Variants in BTLA observed in about 807,000 individuals in gnomAD.
The protein encoded by BTLA is B and T lymphocyte associated.
A neutral mutation model predicts 25.0 loss-of-function variants in BTLA; 11 were observed. The observed-to-expected ratio is 0.44, with a 90% CI of 0.28 to 0.73. The LOEUF is 0.73. BTLA is among the 30% of genes least tolerant of loss of function. The probability of loss-of-function intolerance (pLI) is 0.15; values close to 1 mark genes in which losing one functional copy is unlikely to be tolerated. For synonymous variants in BTLA, 104 were observed against 119.8 expected, an observed-to-expected ratio of 0.87 and a Z score of 0.86; for missense variants, 282 against 332.8, an observed-to-expected ratio of 0.85 and a Z score of 1.19.
At chr3:112,479,303 C>T in intron 2 of BTLA, 152 bp downstream of exon 2, 1 of 702,996 alleles carries the variant, frequency 1.4e-6, no homozygotes, top group East Asian at 2.7e-5. Context: ...CACATATGTA[C>T]ACACTGGCAC....
chr3:112,492,404 A>G (rs2082385036), intron 1 of BTLA, among the ~76,000 whole-genome samples: 1 of 152,244 alleles, frequency 6.6e-6, no homozygotes, highest in Non-Finnish European at 1.5e-5. Flanking sequence ...GCAAATGTAG[A>G]CAGCATACCT....
intron 1 of BTLA, among the ~76,000 whole-genome samples, chr3:112,490,054 C>T (rs998904579): frequency 1.5e-4 from 23 of 152,150 alleles, no homozygotes; most frequent in African/African-American, 4.8e-4. Flanking sequence ...GGAAATCACA[C>T]GGACGACATC....
chr3:112,499,472 TAAAAA>T, upstream of BTLA: 2 of 413,562 alleles, frequency 4.8e-6, no homozygotes, highest in Non-Finnish European at 8.3e-6. Flanking sequence ...GTGAAATAAC[TAAAAA>T]AAAAAAAAAA....
At chr3:112,476,237 C>T (rs2082288187) in intron 2 of BTLA, among the ~76,000 whole-genome samples, 1 of 152,162 alleles carries the variant, frequency 6.6e-6, no homozygotes, top group Non-Finnish European at 1.5e-5. Flanking sequence ...AAAGCAGAGT[C>T]CCTAACTCTG....
At position 112,469,607 on chromosome 3, in the gene BTLA, G is replaced by GTGTATA. The variant is rs1277321074; in HGVS notation, c.594+150_594+151insTATACA. ...TTCACATTTTTAAAAATGGGTCTAT[G>GTGTATA]TATATATATATATATATATATATAT... On this transcript the variant is annotated intron_variant, in intron 4 of 4. Coordinates refer to ENST00000334529, the MANE Select transcript of BTLA (RefSeq NM_181780.4). 5.0e-4 allele frequency: 29 copies of GTGTATA among 58,448 alleles called. 2 individuals are homozygous for GTGTATA. Among genetic ancestry groups the GTGTATA allele is most frequent in the African/African-American group, 1.6e-3 (23 of 14,030 alleles). 3.6% of individuals were successfully genotyped at this position (58,448 alleles called of 1,614,324 possible). A position where few individuals can be genotyped will look rare whatever the true frequency, so the allele number is the denominator to read the frequency against.
chr3:112,479,444 T>C lies in BTLA; in HGVS notation c.403+11A>G. ...GAAAAATATCAGATGGTCTAGGTGT[T>C]GAGAACTCACCTGTCACATAAAGAG... is the stretch of plus-strand genomic sequence containing the variant. On this transcript the variant is annotated intron_variant, in intron 2 of 4. Coordinates refer to ENST00000334529, the MANE Select transcript of BTLA (RefSeq NM_181780.4). 3 of 1,599,026 alleles carry C rather than the reference T, an allele frequency of 1.9e-6. No individual in the cohort carries two copies. Among genetic ancestry groups the C allele is most frequent in the Non-Finnish European group, 2.6e-6 (3 of 1,170,310 alleles).
In BTLA at chr3:112,484,710, G is replaced by A. The variant is rs548968905; in HGVS notation, c.89-4941C>T. Among the ~76,000 whole-genome samples the A allele has an allele frequency of 4.1e-3, 630 of 152,322 alleles. 10 individuals are homozygous for A. The highest frequency in any genetic ancestry group is 0.015 in the African/African-American group (612 of 41,560). ...GTGACTGTATGCTCCGGAGCAGTGC[G>A]CAAAGTGGGTTAGGGGTGGAGAAAA... On this transcript the variant is annotated intron_variant, in intron 1 of 4. Coordinates refer to ENST00000334529, the MANE Select transcript of BTLA (RefSeq NM_181780.4).
At chr3:112,488,469 G>A (rs1051811713) in intron 1 of BTLA, among the ~76,000 whole-genome samples, 2 of 152,114 alleles carry the variant, frequency 1.3e-5, no homozygotes, top group East Asian at 1.9e-4. Context: ...TGATCCGCCC[G>A]CCTCGGGCTC....
intron 2 of BTLA, among the ~76,000 whole-genome samples, 178 bp from the exon 3 acceptor site, chr3:112,471,533 T>C (rs16859629): frequency 0.022 from 3,307 of 152,300 alleles, 90 homozygotes; most frequent in East Asian, 0.072. Flanking sequence ...GCTTTCTTGC[T>C]GAGCAGACGT....
upstream of BTLA, chr3:112,499,623 C>A: frequency 2.6e-6 from 1 of 387,384 alleles, no homozygotes; most frequent in Non-Finnish European, 4.6e-6. Flanking sequence ...CTTTCAAACA[C>A]TGTGATCTGC....
At chr3:112,489,675 G>A (rs2082369304) in intron 1 of BTLA, among the ~76,000 whole-genome samples, 1 of 152,198 alleles carries the variant, frequency 6.6e-6, no homozygotes, top group African/African-American at 2.4e-5. Context: ...ATAATTTTCT[G>A]TGACATCAAC....
At chr3:112,468,892 C>T (rs1007874497) in intron 4 of BTLA, among the ~76,000 whole-genome samples, 1 of 152,050 alleles carries the variant, frequency 6.6e-6, no homozygotes, top group African/African-American at 2.4e-5. Context: ...ATGTTGAATG[C>T]CATTTAATAT....
intron 2 of BTLA, 71 bp downstream of exon 2, chr3:112,479,384 G>C (rs192880955): frequency 6.5e-5 from 94 of 1,435,242 alleles, no homozygotes; most frequent in Middle Eastern, 3.7e-4. Flanking sequence ...AATCACTTGA[G>C]AAACTGAACC....
At chr3:112,474,314 TACTTAGTTC>T (rs1276388249) in intron 2 of BTLA, among the ~76,000 whole-genome samples, 1 of 152,184 alleles carries the variant, frequency 6.6e-6, no homozygotes, top group East Asian at 1.9e-4. Context: ...CCTCACCTTA[TACTTAGTTC>T]ACTGAGCACT....
intron 1 of BTLA, among the ~76,000 whole-genome samples, chr3:112,485,392 C>A (rs1180162832): frequency 6.6e-6 from 1 of 152,148 alleles, no homozygotes; most frequent in Non-Finnish European, 1.5e-5. Context: ...TGTTAACACC[C>A]CTTTTCTGCC....
intron 2 of BTLA, among the ~76,000 whole-genome samples, chr3:112,477,823 A>G (rs938296991): frequency 1.3e-5 from 2 of 152,036 alleles, no homozygotes; most frequent in African/African-American, 4.8e-5. Flanking sequence ...TGAGGGTTCA[A>G]ATTAATTCTT....
intron 2 of BTLA, among the ~76,000 whole-genome samples, chr3:112,475,261 G>T (rs1354758968): frequency 1.3e-5 from 2 of 152,076 alleles, no homozygotes; most frequent in Admixed American, 6.6e-5. Flanking sequence ...GTGATAGGAA[G>T]GATAGGTGAG....
rs542826453 is a variant in BTLA, at chr3:112,470,011, C to G, written c.548-207G>C. ...GTTCATCACTTTTCAGTCCACATAGCCCCATGGCATATCTAAAAGGAAGGG... is the reference window on the plus strand; with the variant it reads ...GTTCATCACTTTTCAGTCCACATAGGCCCATGGCATATCTAAAAGGAAGGG... On this transcript the variant is annotated intron_variant, in intron 3 of 4. Coordinates refer to ENST00000334529, the MANE Select transcript of BTLA (RefSeq NM_181780.4). The G allele has an allele frequency of 1.3e-3, 627 of 469,158 alleles. 5 individuals are homozygous for G. Among genetic ancestry groups the G allele is most frequent in the East Asian group, 4.1e-4 (11 of 26,980 alleles). The allele number at this position is 469,158 out of a possible 1,614,324, so 29.1% of individuals were successfully genotyped here.
At chr3:112,498,922 A>C (rs73853435) in intron 1 of BTLA, among the ~76,000 whole-genome samples, 3,060 of 152,316 alleles carry the variant, frequency 0.02, 70 homozygotes, top group African/African-American at 0.058. Flanking sequence ...AGAACGAGCT[A>C]TCTATTCATT....
Sources: gnomAD v4.1 joint callset for allele counts (sites outside exome capture counted in the v4.1 genomes callset) on GRCh38, gnomAD v4.1.1 for gene constraint, MANE v1.5 for transcripts, NCBI Gene and HGNC (gene_info 2026-07-23, HGNC 2026-07-21) for gene names.